INPP1: variants seen among roughly 807,000 people sequenced by gnomAD.
INPP1 encodes inositol polyphosphate 1-phosphatase.
In INPP1, 18 loss-of-function variants were observed where a neutral mutation model predicts 23.0. The observed-to-expected ratio is 0.78, with a 90% CI of 0.54 to 1.16. INPP1 has a LOEUF of 1.16. Ranked by LOEUF, INPP1 falls within the 50% of genes most tolerant of loss-of-function variation. The probability of loss-of-function intolerance (pLI) is 0.00; values close to 1 mark genes in which losing one functional copy is unlikely to be tolerated. For synonymous variants in INPP1, 164 were observed against 176.3 expected (o/e 0.93, Z 0.55); for missense variants, 448 against 482.1 (o/e 0.93, Z 0.66).
chr2:190,367,524 A>G lies in INPP1; in HGVS notation c.466+629A>G, dbSNP rs558959625. On this transcript the variant is annotated intron_variant, in intron 5 of 6. Coordinates refer to ENST00000392329, the MANE Select transcript of INPP1 (RefSeq NM_001128928.2). This position sits in a 1 kb window ranked among gnomAD's most constrained non-coding sequence, Gnocchi z 4.1. Reference sequence around the variant, plus strand: ...TTTTGGTCATGATTGTGATAGAACCATAATGTATAATCCATTGTTTTGAAA... The same window carrying G: ...TTTTGGTCATGATTGTGATAGAACCGTAATGTATAATCCATTGTTTTGAAA... Among the ~76,000 whole-genome samples, 27 of 152,352 alleles carry G rather than the reference A, an allele frequency of 1.8e-4. No individual in the cohort carries two copies. In the South Asian group the frequency reaches 5.6e-3, roughly 32 times the overall value.
chr2:190,353,684 T>C (rs1689365331), intron 2 of INPP1, among the ~76,000 whole-genome samples: 2 of 152,200 alleles, frequency 1.3e-5, no homozygotes, highest in Admixed American at 1.3e-4. Context: ...TCAGAGAGGG[T>C]AAGAAAATAC....
Position 190,363,098 on chromosome 2 carries a change from C to G in INPP1, c.265+411C>G, listed in dbSNP as rs1466853458. On this transcript the variant is annotated intron_variant, in intron 4 of 6. Transcript: ENST00000392329. The surrounding 1 kb of genome is among the most constrained non-coding windows in gnomAD (Gnocchi z 4.4). ...CTTGGGGGAAGTCCATGGACCTTGG[C>G]TAAAAGTACAGAGGTGGCCATGGTT... is the stretch of plus-strand genomic sequence containing the variant. 1 of 154,948 alleles carries G rather than the reference C, an allele frequency of 6.5e-6. No individual in the cohort carries two copies. The highest frequency in any genetic ancestry group is 2.4e-5 in the African/African-American group (1 of 41,504). 9.6% of individuals were successfully genotyped at this position (154,948 alleles called of 1,614,324 possible). A position where few individuals can be genotyped will look rare whatever the true frequency, so the allele number is the denominator to read the frequency against.
intron 1 of INPP1, among the ~76,000 whole-genome samples, chr2:190,347,799 T>C (rs1689248557): frequency 6.6e-6 from 1 of 152,216 alleles, no homozygotes; most frequent in Non-Finnish European, 1.5e-5. Context: ...AAGGAAAGCA[T>C]AACTTAAATT....
At position 190,354,758 on chromosome 2, in the gene INPP1, T is replaced by G; in HGVS notation, c.-64-5281T>G. ...GGCATGCCCCCTGCCATCAATGCCA[T>G]GACAGTTAAGGGAGACATCAGTGGA... On this transcript the variant is annotated intron_variant, in intron 2 of 6. Coordinates refer to ENST00000392329, the MANE Select transcript of INPP1 (RefSeq NM_001128928.2). This position sits in a 1 kb window ranked among gnomAD's most constrained non-coding sequence, Gnocchi z 4.8. Among the ~76,000 whole-genome samples, 1 of 152,198 alleles carries G rather than the reference T, an allele frequency of 6.6e-6. No individual in the cohort carries two copies. The highest frequency in any genetic ancestry group is 1.9e-4 in the East Asian group (1 of 5,202).
intron 2 of INPP1, among the ~76,000 whole-genome samples, chr2:190,357,915 A>G (rs1689449069): frequency 6.6e-6 from 1 of 152,190 alleles, no homozygotes; most frequent in Non-Finnish European, 1.5e-5. Flanking sequence ...GAGACTAGAC[A>G]TATTTTCTCA....
At chr2:190,353,618 CACA>C (rs1238043628) in intron 2 of INPP1, among the ~76,000 whole-genome samples, 5 of 152,168 alleles carry the variant, frequency 3.3e-5, no homozygotes, top group African/African-American at 9.7e-5. Flanking sequence ...ATTTGATCTT[CACA>C]ACATCACTGC....
In INPP1 at chr2:190,345,402, C is replaced by T. The variant is rs1244323744; in HGVS notation, c.-209+1441C>T. On this transcript the variant is annotated intron_variant, in intron 1 of 6. Coordinates refer to ENST00000392329, the MANE Select transcript of INPP1 (RefSeq NM_001128928.2). This position sits in a 1 kb window ranked among gnomAD's most constrained non-coding sequence, Gnocchi z 4.9. ...TAATTTCTTGTTTGACATAGAAGGCCTGTGAGACAAAAGTTATAAAGGTTA... is the reference window on the plus strand; with the variant it reads ...TAATTTCTTGTTTGACATAGAAGGCTTGTGAGACAAAAGTTATAAAGGTTA... The T allele has an allele frequency of 6.6e-6, 1 of 152,102 alleles. No individual in the cohort carries two copies. The highest frequency in any genetic ancestry group is 2.4e-5 in the African/African-American group (1 of 41,424). The allele number at this position is 152,102 out of a possible 1,614,324, so 9.4% of individuals were successfully genotyped here. A position where few individuals can be genotyped will look rare whatever the true frequency, so the allele number is the denominator to read the frequency against.
chr2:190,346,756 G>A lies in INPP1; in HGVS notation c.-208-2132G>A, dbSNP rs1055717412. 1.2e-4 allele frequency among the ~76,000 whole-genome samples: 18 copies of A among 151,162 alleles called. No homozygotes were observed. The highest frequency in any genetic ancestry group is 4.1e-4 in the African/African-American group (17 of 41,158). On this transcript the variant is annotated intron_variant, in intron 1 of 6. Coordinates refer to ENST00000392329, the MANE Select transcript of INPP1 (RefSeq NM_001128928.2). This position sits in a 1 kb window ranked among gnomAD's most constrained non-coding sequence, Gnocchi z 5.1. The stretch of plus-strand genomic sequence containing the variant: ...CCCGAGTGTCTGGGACTACAGGCAC[G>A]TGCCACCATCCCAGCTAATTTTTAA...
intron 3 of INPP1, among the ~76,000 whole-genome samples, chr2:190,362,145 C>A (rs562936047): frequency 6.6e-6 from 1 of 152,120 alleles, no homozygotes; most frequent in Non-Finnish European, 1.5e-5. Flanking sequence ...AGTGGGGAAA[C>A]AAACGCCTGA....
At position 190,369,198 on chromosome 2, in the gene INPP1, G is replaced by A. The variant is rs1182800897; in HGVS notation, c.562G>A (p.Val188Ile). 3.1e-6 allele frequency: 5 copies of A among 1,608,682 alleles called. No homozygotes were observed. The Admixed American group carries it at 6.7e-5, about 21-fold the overall frequency. ...TCAGTGTGTCACCATTTTAATTGGT[G>A]TCTATGACATACAGACAGGGGTTCC... Reference protein sequence around the residue: ...GLQCVTILIGVYDIQTGVPLM... With the variant: ...GLQCVTILIGIYDIQTGVPLM... Residue 188 changes from valine (V) to isoleucine (I), a missense_variant, in exon 6 of 7, where the codon GTC becomes ATC. Physicochemically the swap from Val to Ile is conservative, Grantham distance 29. Coordinates refer to ENST00000392329, the MANE Select transcript of INPP1 (RefSeq NM_001128928.2).
Position 190,369,180 on chromosome 2 carries a change from G to A in INPP1, c.544G>A (p.Val182Ile). The A allele has an allele frequency of 1.9e-6, 3 of 1,609,500 alleles. No individual in the cohort carries two copies. Among genetic ancestry groups the A allele is most frequent in the Non-Finnish European group, 2.6e-6 (3 of 1,176,226 alleles). The change falls in exon 6 of 7, where the codon GTC becomes ATC. Residue 182 changes from valine to isoleucine, a missense_variant. Coordinates refer to ENST00000392329, the MANE Select transcript of INPP1 (RefSeq NM_001128928.2). ...QGIFPCGLQC[V>I]TILIGVYDIQ... is the part of the protein sequence containing the mutation. ...AATCTTCCCCTGTGGACTTCAGTGT[G>A]TCACCATTTTAATTGGTGTCTATGA...
chr2:190,346,384 G>T lies in INPP1; in HGVS notation c.-209+2423G>T, dbSNP rs73981067. 0.02 allele frequency among the ~76,000 whole-genome samples: 3,037 copies of T among 152,184 alleles called. 105 individuals are homozygous for T. The highest frequency in any genetic ancestry group is 0.068 in the African/African-American group (2,826 of 41,516). On this transcript the variant is annotated intron_variant, in intron 1 of 6. Transcript: ENST00000392329. The surrounding 1 kb of genome is among the most constrained non-coding windows in gnomAD (Gnocchi z 5.1). ...GAAACTGATTTTATTAATATGATGAGGCCACTCATTTAGGAAATCTGAAAC... is the reference window on the plus strand; with the variant it reads ...GAAACTGATTTTATTAATATGATGATGCCACTCATTTAGGAAATCTGAAAC...
chr2:190,354,536 T>A lies in INPP1; in HGVS notation c.-64-5503T>A, dbSNP rs907991769. Reference sequence around the variant, plus strand: ...AAGAAAAGGGAGACATGCCAGAGATTAACGCCCACGATGGAAAGGCCAGGT... The same window carrying A: ...AAGAAAAGGGAGACATGCCAGAGATAAACGCCCACGATGGAAAGGCCAGGT... On this transcript the variant is annotated intron_variant, in intron 2 of 6. Transcript: ENST00000392329. This position sits in a 1 kb window ranked among gnomAD's most constrained non-coding sequence, Gnocchi z 4.8. Among the ~76,000 whole-genome samples, 1 of 152,202 alleles carries A rather than the reference T, an allele frequency of 6.6e-6. No homozygotes were observed. The highest frequency in any genetic ancestry group is 1.5e-5 in the Non-Finnish European group (1 of 68,038).
At position 190,360,262 on chromosome 2, in the gene INPP1, G is replaced by A. The variant is rs776864674; in HGVS notation, c.160G>A (p.Asp54Asn). The A allele has an allele frequency of 6.2e-7, 1 of 1,614,194 alleles. No individual in the cohort carries two copies. The highest frequency in any genetic ancestry group is 1.3e-5 in the African/African-American group (1 of 75,056). ...TGCAGTTGACTTCAAGACGCTGGCTGATGTACTGGTACAGGAAGTTATAAA... is the reference window on the plus strand; with the variant it reads ...TGCAGTTGACTTCAAGACGCTGGCTAATGTACTGGTACAGGAAGTTATAAA... ...KFAVDFKTLADVLVQEVIKQN... is the reference protein window; with the variant it reads ...KFAVDFKTLANVLVQEVIKQN... Residue 54 changes from aspartate (D) to asparagine (N), a missense_variant, in exon 3 of 7, where the codon GAT (aspartate) becomes AAT (asparagine). Transcript: ENST00000392329.
At chr2:190,349,268 C>T (rs1689282207) in intron 2 of INPP1, among the ~76,000 whole-genome samples, 1 of 152,048 alleles carries the variant, frequency 6.6e-6, no homozygotes, top group African/African-American at 2.4e-5. Context: ...TGAAACCCAT[C>T]TCTACTAAAA....
intron 2 of INPP1, 78 bp from the exon 3 acceptor site, chr2:190,359,961 G>T (rs1170750609): frequency 2.8e-6 from 2 of 712,216 alleles, no homozygotes; most frequent in Non-Finnish European, 4.7e-6. Flanking sequence ...ACTGCCAAAT[G>T]GGTTGTTAGT....
At position 190,352,813 on chromosome 2, in the gene INPP1, T is replaced by C. The variant is rs1453032476; in HGVS notation, c.-65+3782T>C. On this transcript the variant is annotated intron_variant, in intron 2 of 6. Coordinates refer to ENST00000392329, the MANE Select transcript of INPP1 (RefSeq NM_001128928.2). The surrounding 1 kb of genome is among the most constrained non-coding windows in gnomAD (Gnocchi z 4.7). ...AGCTGTACCCCCTTGGAAAAGGTCA[T>C]GAGAAACACCTTCTTGTAAAACACC... 2.6e-5 allele frequency among the ~76,000 whole-genome samples: 4 copies of C among 152,214 alleles called. No homozygotes were observed. The highest frequency in any genetic ancestry group is 2.0e-4 in the Admixed American group (3 of 15,284).
rs762111295 is a variant in INPP1 at position 190,369,289 on chromosome 2, A to G, written c.641+12A>G. On this transcript the variant is annotated intron_variant, in intron 6 of 6. Transcript: ENST00000392329. ...CCAAACACCCTCAGGTAAAAGGCAA[A>G]TATTTTTGGTATATTATGGTTGTTA... 1 of 1,536,876 alleles carries G rather than the reference A, an allele frequency of 6.5e-7. No homozygotes were observed. The highest frequency in any genetic ancestry group is 1.2e-5 in the South Asian group (1 of 82,684).
rs1001258571 is a variant in INPP1 at position 190,352,126 on chromosome 2, C to T, written c.-65+3095C>T. Among the ~76,000 whole-genome samples, 1 of 152,188 alleles carries T rather than the reference C, an allele frequency of 6.6e-6. No homozygotes were observed. The highest frequency in any genetic ancestry group is 2.4e-5 in the African/African-American group (1 of 41,434). On this transcript the variant is annotated intron_variant, in intron 2 of 6. Transcript: ENST00000392329. The surrounding 1 kb of genome is among the most constrained non-coding windows in gnomAD (Gnocchi z 4.7). ...CTGTATGAAGTGCCTATTCAAGCTT[C>T]TTGCCCTTGAACTGATTCTGAGAAG...
Sources: gnomAD v4.1 joint callset for allele counts (sites outside exome capture counted in the v4.1 genomes callset) on GRCh38, gnomAD v4.1.1 for gene constraint, Gnocchi (gnomAD v3.1) non-coding constraint, MANE v1.5 for transcripts, NCBI Gene and HGNC (gene_info 2026-07-23, HGNC 2026-07-21) for gene names.